ZNF282: variants seen among roughly 807,000 people sequenced by gnomAD.
ZNF282 encodes zinc finger protein 282, also known as HTLV-I U5 repressive element-binding protein 1.
Under a neutral mutation model 61.9 loss-of-function variants are expected in ZNF282, and 30 were observed. The observed-to-expected ratio is 0.48, with a 90% CI of 0.36 to 0.66. ZNF282 has a LOEUF of 0.66. Among genes scored for constraint, ZNF282 ranks in the 30% least tolerant of loss-of-function variants. The pLI, the probability that ZNF282 is intolerant of heterozygous loss-of-function variation, is 0.00. For synonymous variants in ZNF282, 396 were observed against 405.0 expected, an observed-to-expected ratio of 0.98 and a Z score of 0.27; for missense variants, 788 against 941.4, an observed-to-expected ratio of 0.84 and a Z score of 2.13.
At chr7:149,196,935 G>T (rs912683982) in intron 1 of ZNF282, among the ~76,000 whole-genome samples, 1 of 152,194 alleles carries the variant, frequency 6.6e-6, no homozygotes, top group Non-Finnish European at 1.5e-5. Context: ...ATCGCCCCAA[G>T]CAGCAGGCCT....
intron 2 of ZNF282, among the ~76,000 whole-genome samples, chr7:149,205,660 T>C (rs1252396068): frequency 3.3e-5 from 5 of 152,100 alleles, no homozygotes; most frequent in Non-Finnish European, 7.4e-5. Flanking sequence ...AAGCACCTGG[T>C]AAAAGGGCTG....
rs1796016620 is a variant in ZNF282 at position 149,207,565 on chromosome 7, G to A, written c.832+95G>A. On this transcript the variant is annotated intron_variant, in intron 4 of 7. Coordinates refer to ENST00000610704, the MANE Select transcript of ZNF282 (RefSeq NM_003575.4). ...GCTGCCGCGAGGCGCCACTGTGTGTGCACCATGGGGCGAGGGTCTTGGGTG... is the reference window on the plus strand; with the variant it reads ...GCTGCCGCGAGGCGCCACTGTGTGTACACCATGGGGCGAGGGTCTTGGGTG... 3 of 1,502,700 alleles carry A rather than the reference G, an allele frequency of 2.0e-6. No homozygotes were observed. The Admixed American group carries it at 6.3e-5, about 31-fold the overall frequency. 93.1% of individuals were successfully genotyped at this position (1,502,700 alleles called of 1,614,324 possible). A position where few individuals can be genotyped will look rare whatever the true frequency, so the allele number is the denominator to read the frequency against.
intron 1 of ZNF282, among the ~76,000 whole-genome samples, chr7:149,196,613 C>G (rs1490108699): frequency 6.6e-6 from 1 of 152,116 alleles, no homozygotes; most frequent in Non-Finnish European, 1.5e-5. Flanking sequence ...CAGGTGCTAA[C>G]GAGGGAGCCA....
intron 1 of ZNF282, 39 bp downstream of exon 1, chr7:149,195,793 G>GGGGGCGGGGCGCGGGCT: frequency 6.9e-7 from 1 of 1,441,476 alleles, no homozygotes; most frequent in Non-Finnish European, 9.1e-7. Flanking sequence ...GCGCTGCCGT[G>GGGGGCGGGGCGCGGGCT]GGGGCGGGGC....
rs749318079 is a variant in ZNF282 at position 149,207,435 on chromosome 7, C to A, written c.797C>A (p.Pro266His). ...CCTTGTGTGTGGGAGCAGCGCCACC[C>A]CGAAGAGAGAGAAATCCCAATGGAT... Reference protein sequence around the residue: ...EEPCVWEQRHPEEREIPMDPE... With the variant: ...EEPCVWEQRHHEEREIPMDPE... The change falls in exon 4 of 8, where the codon CCC becomes CAC. Residue 266 changes from proline (P) to histidine (H), a missense_variant. Physicochemically the swap from Pro to His is moderately conservative, Grantham distance 77. Coordinates refer to ENST00000610704, the MANE Select transcript of ZNF282 (RefSeq NM_003575.4). 1.9e-6 allele frequency: 3 copies of A among 1,565,144 alleles called. No individual in the cohort carries two copies. In the South Asian group the frequency reaches 3.5e-5, roughly 18 times the overall value.
chr7:149,198,306 G>C lies in ZNF282; in HGVS notation c.166-27G>C. ...CGGCTCACACAAGGTCTCATCCTGGGTTGTCGCTTTCTCCCTCTGCATACA... is the reference window on the plus strand; with the variant it reads ...CGGCTCACACAAGGTCTCATCCTGGCTTGTCGCTTTCTCCCTCTGCATACA... On this transcript the variant is annotated intron_variant, in intron 1 of 7. Coordinates refer to ENST00000610704, the MANE Select transcript of ZNF282 (RefSeq NM_003575.4). This position sits in a 1 kb window ranked among gnomAD's most constrained non-coding sequence, Gnocchi z 4.3. 6.4e-7 allele frequency: 1 copy of C among 1,573,898 alleles called. No homozygotes were observed. Among genetic ancestry groups the C allele is most frequent in the Non-Finnish European group, 8.6e-7 (1 of 1,157,554 alleles).
chr7:149,214,288 T>C (rs1461441832), intron 7 of ZNF282, among the ~76,000 whole-genome samples: 1 of 152,188 alleles, frequency 6.6e-6, no homozygotes, highest in Non-Finnish European at 1.5e-5. Context: ...ACACCAGTCA[T>C]ATTGGATCAG....
chr7:149,224,357 T>G lies in ZNF282; in HGVS notation c.1726T>G (p.Cys576Gly). 1 of 1,613,800 alleles carries G rather than the reference T, an allele frequency of 6.2e-7. No individual in the cohort carries two copies. Among genetic ancestry groups the G allele is most frequent in the Non-Finnish European group, 8.5e-7 (1 of 1,179,912 alleles). The change falls in exon 8 of 8, where the codon TGC becomes GGC. Residue 576 changes from cysteine (C) to glycine (G), a missense_variant. Physicochemically the swap from Cys to Gly is radical, Grantham distance 159. Around this residue, in one of 3 missense-constraint regions of ZNF282, gnomAD observed 559 missense variants for 642.0 expected, o/e 0.87. Coordinates refer to ENST00000610704, the MANE Select transcript of ZNF282 (RefSeq NM_003575.4). ...GCACCGCGGCGAGCGGCCCTACAAG[T>G]GCTCGGAGTGCGAGAAGACCTACAG... is the stretch of plus-strand genomic sequence containing the variant. Reference protein sequence around the residue: ...MTHRGERPYKCSECEKTYSRK... With the variant: ...MTHRGERPYKGSECEKTYSRK...
chr7:149,199,149 T>G (rs1222671016), intron 2 of ZNF282, among the ~76,000 whole-genome samples: 3 of 152,216 alleles, frequency 2.0e-5, no homozygotes, highest in Non-Finnish European at 4.4e-5. Context: ...CAAACCAGGC[T>G]GCCTGGAGTT....
intron 7 of ZNF282, among the ~76,000 whole-genome samples, chr7:149,215,183 A>C (rs1585571593): frequency 6.9e-6 from 1 of 144,752 alleles, no homozygotes. Context: ...TTCCCTGTCC[A>C]TATTTCCTGA....
chr7:149,224,671 C>T lies in ZNF282; in HGVS notation c.*24C>T, dbSNP rs1200716844. ...AGGGCTGGGCTGGGGGAGGGCAGGG[C>T]CGGACGGAGTGGATCGGGGGCGGCC... On this transcript the variant is annotated 3_prime_UTR_variant, in exon 8 of 8. Transcript: ENST00000610704. 6.1e-6 allele frequency: 9 copies of T among 1,478,548 alleles called. No individual in the cohort carries two copies. The highest frequency in any genetic ancestry group is 8.0e-6 in the Non-Finnish European group (9 of 1,118,664). 91.6% of individuals were successfully genotyped at this position (1,478,548 alleles called of 1,614,324 possible).
chr7:149,202,374 C>T (rs961177299), intron 2 of ZNF282, among the ~76,000 whole-genome samples: 2 of 151,512 alleles, frequency 1.3e-5, no homozygotes, highest in East Asian at 1.9e-4. Flanking sequence ...TGCAGTGGTG[C>T]GAACTCGGCT....
intron 4 of ZNF282, among the ~76,000 whole-genome samples, chr7:149,208,783 C>A (rs975539373): frequency 6.6e-5 from 10 of 151,022 alleles, no homozygotes; most frequent in African/African-American, 2.2e-4. Context: ...CTTTGGGAGG[C>A]CGAGGTGGGC....
At chr7:149,201,318 T>C (rs1003828160) in intron 2 of ZNF282, among the ~76,000 whole-genome samples, 2 of 152,196 alleles carry the variant, frequency 1.3e-5, no homozygotes, top group Non-Finnish European at 2.9e-5. Context: ...GGCACCATGG[T>C]CTTTCATCTG....
At chr7:149,199,234 G>A (rs1269783951) in intron 2 of ZNF282, among the ~76,000 whole-genome samples, 2 of 152,062 alleles carry the variant, frequency 1.3e-5, no homozygotes, top group African/African-American at 4.8e-5. Context: ...ATCTTACTCC[G>A]TTCCCTCTCC....
intron 5 of ZNF282, 68 bp downstream of exon 5, chr7:149,210,772 C>T (rs1796072863): frequency 1.4e-6 from 2 of 1,462,586 alleles, no homozygotes; most frequent in Admixed American, 2.8e-5. Flanking sequence ...CATGGTCTGC[C>T]AGCCCCCAGA....
chr7:149,221,728 C>T (rs1358567613), intron 7 of ZNF282, among the ~76,000 whole-genome samples: 1 of 152,052 alleles, frequency 6.6e-6, no homozygotes, highest in East Asian at 1.9e-4. Context: ...TGGTTCTCTG[C>T]CAGGCCAATT....
intron 4 of ZNF282, among the ~76,000 whole-genome samples, chr7:149,209,020 C>CAA (rs58064988): frequency 6.5e-5 from 4 of 61,728 alleles, no homozygotes; most frequent in Admixed American, 2.2e-4. Flanking sequence ...GACTTCATCT[C>CAA]AAAAAAAAAA....
rs1796369380 is a variant in ZNF282, at chr7:149,226,080, C to T, written c.*1433C>T. On this transcript the variant is annotated 3_prime_UTR_variant, in exon 8 of 8. Transcript: ENST00000610704. ...ACTTTGGCGAGCGTCCTGCTTCCGC[C>T]CTCGCCCTCATCTACGCTGCTCCGC... 1 of 152,688 alleles carries T rather than the reference C, an allele frequency of 6.5e-6. No homozygotes were observed. Among genetic ancestry groups the T allele is most frequent in the South Asian group, 2.1e-4 (1 of 4,834 alleles). 9.5% of individuals were successfully genotyped at this position (152,688 alleles called of 1,614,324 possible).
Sources: allele counts gnomAD v4.1 joint callset (sites outside exome capture counted in the v4.1 genomes callset), GRCh38; gene constraint gnomAD v4.1.1; regional missense constraint gnomAD v4.1.1; non-coding constraint Gnocchi (gnomAD v3.1); transcripts MANE v1.5; gene names NCBI Gene and HGNC (gene_info 2026-07-23, HGNC 2026-07-21).